The following DNAH17 variants were observed in gnomAD, a reference collection of about 807,000 sequenced individuals.
DNAH17 encodes axonemal beta dynein heavy chain 17.
In DNAH17, 376 loss-of-function variants were observed where a neutral mutation model predicts 485.6. The observed-to-expected ratio is 0.77, with a 90% CI of 0.71 to 0.84. The LOEUF (loss-of-function observed/expected upper bound fraction) is 0.84, where lower values mean the gene tolerates loss of function less well. DNAH17 is among the 40% of genes least tolerant of loss of function. The pLI is 0.00. For synonymous variants in DNAH17, 3,031 were observed against 2,405.9 expected (o/e 1.26, Z -7.60); for missense variants, 6,370 against 5,839.3 (o/e 1.09, Z -2.96).
intron 43 of DNAH17, among the ~76,000 whole-genome samples, 177 bp downstream of exon 43, chr17:78,491,266 T>A (rs690993): frequency 1.3e-5 from 2 of 152,114 alleles, no homozygotes; most frequent in African/African-American, 4.8e-5. Flanking sequence ...CCACAACGCA[T>A]GTGACAAAGT....
At chr17:78,453,927 C>G (rs561760273) in intron 64 of DNAH17, among the ~76,000 whole-genome samples, 5 of 152,190 alleles carry the variant, frequency 3.3e-5, no homozygotes, top group South Asian at 2.1e-4. Context: ...AGGCTGGGCT[C>G]AAACTCCTGA....
chr17:78,544,833 T>C lies in DNAH17; in HGVS notation c.2392-836A>G, dbSNP rs371739374. 5.8e-3 allele frequency among the ~76,000 whole-genome samples: 617 copies of C among 106,942 alleles called. 11 individuals are homozygous for C. Among genetic ancestry groups the C allele is most frequent in the African/African-American group, 0.021 (593 of 28,478 alleles). 70.2% of individuals were successfully genotyped at this position (106,942 alleles called of 152,430 possible). A position where few individuals can be genotyped will look rare whatever the true frequency, so the allele number is the denominator to read the frequency against. On this transcript the variant is annotated intron_variant, in intron 16 of 80. Coordinates refer to ENST00000389840, the MANE Select transcript of DNAH17 (RefSeq NM_173628.4). ...AAAAAAAAAAAAAAAAAGGTGGGGGTGGTGGCCACTTTTAATTATGATTTG... is the reference window on the plus strand; with the variant it reads ...AAAAAAAAAAAAAAAAAGGTGGGGGCGGTGGCCACTTTTAATTATGATTTG...
At chr17:78,454,326 C>G in intron 64 of DNAH17, 144 bp downstream of exon 64, 1 of 633,052 alleles carries the variant, frequency 1.6e-6, no homozygotes, top group Non-Finnish European at 2.8e-6. Flanking sequence ...TTTACTACTG[C>G]TGCTGTTCCC....
Position 78,429,276 on chromosome 17 carries a change from G to C in DNAH17, c.12250C>G (p.Leu4084Val). The C allele has an allele frequency of 6.2e-7, 1 of 1,613,922 alleles. No homozygotes were observed. Among genetic ancestry groups the C allele is most frequent in the Non-Finnish European group, 8.5e-7 (1 of 1,179,878 alleles). The stretch of plus-strand genomic sequence containing the variant: ...CCGCCATACATGATTTCACCAAAAA[G>C]GTAGCGGAGATCGTCCCAGGGCACC... The part of the protein sequence containing the change: ...PKVPWDDLRY[L>V]FGEIMYGGHI... The change falls in exon 76 of 81, where the codon CTT (leucine) becomes GTT (valine). Residue 4084 changes from leucine (L) to valine (V), a missense_variant. By Grantham distance (32) the Leu-to-Val change is conservative. Transcript: ENST00000389840.
At position 78,514,976 on chromosome 17, in the gene DNAH17, A is replaced by C. The variant is rs763235558; in HGVS notation, c.3911T>G (p.Ile1304Ser). The C allele has an allele frequency of 1.5e-5, 24 of 1,613,792 alleles. No individual in the cohort carries two copies. The South Asian group carries it at 2.6e-4, about 18-fold the overall frequency. Reference sequence around the variant, plus strand: ...ATCTATGTCCATCTGCTCAACGTTGATATCTTTCCACTTGGTGGTCTTCCA... The same window carrying C: ...ATCTATGTCCATCTGCTCAACGTTGCTATCTTTCCACTTGGTGGTCTTCCA... Reference protein sequence around the residue: ...EDWKTTKWKDINVEQMDIDCK... With the variant: ...EDWKTTKWKDSNVEQMDIDCK... The change falls in exon 26 of 81, where the codon ATC becomes AGC. Residue 1304 changes from isoleucine to serine, a missense_variant. Ile to Ser is a moderately radical substitution (Grantham distance 142). Transcript: ENST00000389840.
chr17:78,479,723 C>T (rs1253482610), intron 49 of DNAH17, 91 bp from the exon 50 acceptor site: 2 of 1,561,674 alleles, frequency 1.3e-6, no homozygotes, highest in East Asian at 4.6e-5. Context: ...GGCCCCTGTC[C>T]TCATGTTCTA....
chr17:78,478,244 TCAC>T (rs1345379253), intron 51 of DNAH17, among the ~76,000 whole-genome samples: 8 of 130,298 alleles, frequency 6.1e-5, no homozygotes, highest in East Asian at 5.1e-4. Context: ...ACCACCATCA[TCAC>T]CACCATCACC....
intron 37 of DNAH17, among the ~76,000 whole-genome samples, chr17:78,498,154 C>CATAAATAAATAA (rs148513000): frequency 6.1e-5 from 9 of 146,584 alleles, no homozygotes; most frequent in Admixed American, 3.4e-4. Context: ...AAAAACAAAA[C>CATAAATAAATAA]ATAAATAAAT....
chr17:78,569,646 C>T, intron 7 of DNAH17, 119 bp from the exon 8 acceptor site: 1 of 1,273,526 alleles, frequency 7.9e-7, no homozygotes, highest in Non-Finnish European at 1.1e-6. Flanking sequence ...AAAATAACCC[C>T]TCCTATCTGC....
chr17:78,456,896 G>A (rs919814622), intron 62 of DNAH17, among the ~76,000 whole-genome samples: 3 of 152,204 alleles, frequency 2.0e-5, no homozygotes, highest in Non-Finnish European at 4.4e-5. Flanking sequence ...CACTTGGGAG[G>A]AGAAAACACA....
chr17:78,460,407 T>C (rs2146530749), intron 58 of DNAH17, 150 bp from the exon 59 acceptor site: 4 of 693,712 alleles, frequency 5.8e-6, no homozygotes, highest in South Asian at 3.6e-5. Flanking sequence ...TGAGTGTATG[T>C]GTGTGCATGT....
At chr17:78,562,080 G>T in intron 11 of DNAH17, 100 bp from the exon 12 acceptor site, 1 of 1,372,470 alleles carries the variant, frequency 7.3e-7, no homozygotes, top group East Asian at 2.4e-5. Flanking sequence ...TCAGGAGTGA[G>T]AGAATGTGTA....
At position 78,552,737 on chromosome 17, in the gene DNAH17, C is replaced by G; in HGVS notation, c.2247G>C (p.Lys749Asn). Residue 749 changes from lysine to asparagine, a missense_variant, in exon 15 of 81, where the codon AAG becomes AAC. By Grantham distance (94) the Lys-to-Asn change is moderately conservative. Coordinates refer to ENST00000389840, the MANE Select transcript of DNAH17 (RefSeq NM_173628.4). ...IKSELEAIDV[K>N]LLSAETTLFW... ...ATAATGTCGTTTCAGCGCTCAATAACTTGACATCAATTGCTTCCAGTTCTG... is the reference window on the plus strand; with the variant it reads ...ATAATGTCGTTTCAGCGCTCAATAAGTTGACATCAATTGCTTCCAGTTCTG... 6.2e-7 allele frequency: 1 copy of G among 1,613,984 alleles called. No individual in the cohort carries two copies. The highest frequency in any genetic ancestry group is 8.5e-7 in the Non-Finnish European group (1 of 1,179,862).
intron 26 of DNAH17, among the ~76,000 whole-genome samples, chr17:78,511,595 T>C (rs2090637667): frequency 6.6e-6 from 1 of 152,266 alleles, no homozygotes; most frequent in Non-Finnish European, 1.5e-5. Context: ...TACCAGGTAC[T>C]TGCCTAGTGC....
rs771071954 is a variant in DNAH17, at chr17:78,490,839, G to A, written c.6678C>T (p.Thr2226=). ...NTVMDDNKVL[T]LASNERIPLN... is the part of the protein sequence containing the mutation. ...GGGGGATCCGCTCGTTGCTGGCCAG[G>A]GTGAGGACCTAGGAGGGGGACAGCA... is the stretch of plus-strand genomic sequence containing the variant. Residue 2226 remains threonine, a synonymous_variant, in exon 44 of 81, where the codon ACC becomes ACT. Coordinates refer to ENST00000389840, the MANE Select transcript of DNAH17 (RefSeq NM_173628.4). 14 of 1,598,588 alleles carry A rather than the reference G, an allele frequency of 8.8e-6. No homozygotes were observed. Among genetic ancestry groups the A allele is most frequent in the East Asian group, 4.5e-5 (2 of 44,166 alleles).
At chr17:78,486,712 C>T (rs1263733867) in intron 44 of DNAH17, among the ~76,000 whole-genome samples, 8 of 152,202 alleles carry the variant, frequency 5.3e-5, no homozygotes, top group African/African-American at 9.6e-5. Context: ...ATGCCAGGGT[C>T]GTGGGGGCTG....
rs1329738029 is a variant in DNAH17, at chr17:78,551,573, C to A, written c.2353G>T (p.Ala785Ser). 6.2e-7 allele frequency: 1 copy of A among 1,613,976 alleles called. No homozygotes were observed. The highest frequency in any genetic ancestry group is 8.5e-7 in the Non-Finnish European group (1 of 1,179,862). Reference protein sequence around the residue: ...LHNLQNRMQKAKQNIEGISQA... With the variant: ...LHNLQNRMQKSKQNIEGISQA... Reference sequence around the variant, plus strand: ...GAAATTCCTTCTATATTTTGTTTTGCCTTTTGCATCCTGTTCTGCAAGTTG... The same window carrying A: ...GAAATTCCTTCTATATTTTGTTTTGACTTTTGCATCCTGTTCTGCAAGTTG... The change falls in exon 16 of 81, where the codon GCA (alanine) becomes TCA (serine). Residue 785 changes from alanine to serine, a missense_variant. Transcript: ENST00000389840.
intron 51 of DNAH17, among the ~76,000 whole-genome samples, chr17:78,477,313 CAG>C (rs1378024332): frequency 1.1e-4 from 17 of 152,032 alleles, no homozygotes; most frequent in Non-Finnish European, 2.4e-4. Flanking sequence ...GGCAGTAAGA[CAG>C]AGTGTGAGGG....
At chr17:78,520,985 C>G (rs966064289) in intron 25 of DNAH17, among the ~76,000 whole-genome samples, 5 of 152,252 alleles carry the variant, frequency 3.3e-5, no homozygotes, top group African/African-American at 1.2e-4. Flanking sequence ...CTAGATTGCT[C>G]TAGGAATCAA....
Sources: gnomAD v4.1 joint callset for allele counts (sites outside exome capture counted in the v4.1 genomes callset) on GRCh38, gnomAD v4.1.1 for gene constraint, MANE v1.5 for transcripts, NCBI Gene and HGNC (gene_info 2026-07-23, HGNC 2026-07-21) for gene names.